The following AOPEP variants were observed in gnomAD, a reference collection of about 807,000 sequenced individuals.
AOPEP encodes the protein aminopeptidase O.
AOPEP carries 77 observed loss-of-function variants against 98.1 expected under a neutral mutation model. The observed-to-expected ratio is 0.78, with a 90% CI of 0.65 to 0.95. The LOEUF is 0.95. Among genes scored for constraint, AOPEP ranks in the 40% least tolerant of loss-of-function variants. AOPEP has a pLI of 0.00. For missense variants in AOPEP, 1,024 were observed against 1,024.7 expected, an observed-to-expected ratio of 1.00 and a Z score of 0.01; for synonymous variants, 346 against 365.3, an observed-to-expected ratio of 0.95 and a Z score of 0.60.
intron 5 of AOPEP, among the ~76,000 whole-genome samples, chr9:94,883,807 T>A (rs928079560): frequency 3.3e-5 from 5 of 152,232 alleles, no homozygotes; most frequent in Admixed American, 1.3e-4. Context: ...ATGTTAAACA[T>A]AAGTTGAGGG....
At chr9:95,027,776 C>G (rs188152508) in intron 13 of AOPEP, among the ~76,000 whole-genome samples, 2 of 152,228 alleles carry the variant, frequency 1.3e-5, no homozygotes, top group Non-Finnish European at 2.9e-5. Flanking sequence ...TAGAACATGG[C>G]AGGGGTTACT....
chr9:94,866,526 G>A (rs541703369), intron 5 of AOPEP, among the ~76,000 whole-genome samples: 1 of 152,226 alleles, frequency 6.6e-6, no homozygotes, highest in South Asian at 2.1e-4. Flanking sequence ...AAACTAATAG[G>A]CTTTACATGT....
At chr9:95,089,844 C>T (rs1452111754), downstream of AOPEP, among the ~76,000 whole-genome samples, 4 of 152,192 alleles carry the variant, frequency 2.6e-5, no homozygotes, top group East Asian at 3.8e-4. Context: ...GATATTAGCT[C>T]CCCCCACCCT....
At chr9:95,084,416 C>T (rs940365750) in intron 16 of AOPEP, among the ~76,000 whole-genome samples, 4 of 152,226 alleles carry the variant, frequency 2.6e-5, no homozygotes, top group Non-Finnish European at 4.4e-5. Flanking sequence ...CGTAGCGAAA[C>T]GCCTGCTGCA....
At chr9:94,932,781 G>T (rs886338675) in intron 7 of AOPEP, 14 of 985,200 alleles carry the variant, frequency 1.4e-5, no homozygotes, top group Middle Eastern at 1.0e-3. Flanking sequence ...ACTGCGCCCA[G>T]CCCAGATGTT....
intron 2 of AOPEP, among the ~76,000 whole-genome samples, chr9:94,762,681 G>A (rs1838628105): frequency 2.0e-5 from 3 of 152,144 alleles, no homozygotes; most frequent in African/African-American, 7.2e-5. Context: ...TTCTAGAAAG[G>A]TGTTTTCTCT....
intron 1 of AOPEP, among the ~76,000 whole-genome samples, chr9:94,744,674 C>T (rs1441923525): frequency 3.0e-5 from 4 of 133,908 alleles, no homozygotes; most frequent in Non-Finnish European, 6.1e-5. Context: ...GCACTCCAGC[C>T]TGGGCAACAA....
chr9:95,111,931 C>T, the AOPEP span, among the ~76,000 whole-genome samples: 10 of 152,164 alleles, frequency 6.6e-5, no homozygotes, highest in African/African-American at 9.7e-5. Flanking sequence ...AGGAAGACTG[C>T]GGCCATGACC....
At chr9:94,801,832 C>G (rs1024354992) in intron 5 of AOPEP, among the ~76,000 whole-genome samples, 1 of 152,126 alleles carries the variant, frequency 6.6e-6, no homozygotes, top group Non-Finnish European at 1.5e-5. Context: ...AAGTTTTTCC[C>G]TATTAGTCAA....
the AOPEP span, chr9:95,126,767 C>T: frequency 2.4e-5 from 15 of 625,390 alleles, no homozygotes; most frequent in South Asian, 2.3e-4. Flanking sequence ...ACGGTGGTCT[C>T]CCTGGGCAGG....
chr9:95,013,979 T>A (rs1471434734), intron 13 of AOPEP, among the ~76,000 whole-genome samples: 1 of 152,222 alleles, frequency 6.6e-6, no homozygotes, highest in Non-Finnish European at 1.5e-5. Flanking sequence ...TGAGCTTTAT[T>A]TTCCTTGTCT....
chr9:95,060,502 A>G (rs929972040), intron 13 of AOPEP, among the ~76,000 whole-genome samples, 192 bp from the exon 14 acceptor site: 1 of 152,250 alleles, frequency 6.6e-6, no homozygotes, highest in Non-Finnish European at 1.5e-5. Flanking sequence ...CCCAGAATGT[A>G]GTGTCTTTGG....
chr9:95,135,546 C>T, the AOPEP span: 1 of 1,577,084 alleles, frequency 6.3e-7, no homozygotes, highest in African/African-American at 1.4e-5. Flanking sequence ...AAATGGCTCA[C>T]TGAAAAAAGA....
At chr9:95,014,547 G>T (rs2062826769) in intron 13 of AOPEP, among the ~76,000 whole-genome samples, 1 of 152,070 alleles carries the variant, frequency 6.6e-6, no homozygotes, top group African/African-American at 2.4e-5. Context: ...TGTTCTGTCT[G>T]TGAAAAGTAA....
the AOPEP span, among the ~76,000 whole-genome samples, chr9:95,129,374 C>T: frequency 6.6e-6 from 1 of 152,154 alleles, no homozygotes; most frequent in Non-Finnish European, 1.5e-5. Context: ...AGATAATCTT[C>T]CAAATAGAAT....
At chr9:94,933,544 G>C in intron 7 of AOPEP, 3 of 985,322 alleles carry the variant, frequency 3.0e-6, no homozygotes, top group Non-Finnish European at 3.6e-6. Flanking sequence ...CTAGATAAAT[G>C]CGAGCATCTT....
intron 5 of AOPEP, among the ~76,000 whole-genome samples, chr9:94,838,912 T>TC (rs2041943187): frequency 2.2e-5 from 3 of 138,112 alleles, no homozygotes; most frequent in Non-Finnish European, 4.7e-5. Context: ...TGCTATTCTT[T>TC]TTTTTTTTTT....
intron 5 of AOPEP, among the ~76,000 whole-genome samples, chr9:94,804,256 A>G (rs778431523): frequency 3.9e-5 from 6 of 152,196 alleles, no homozygotes; most frequent in Non-Finnish European, 8.8e-5. Context: ...TTACCTTTGT[A>G]TGTGTGTATA....
intron 7 of AOPEP, among the ~76,000 whole-genome samples, chr9:94,943,916 T>C (rs796691371): frequency 3.4e-4 from 26 of 77,532 alleles, no homozygotes; most frequent in African/African-American, 1.3e-3. Context: ...TGAGACTCCA[T>C]CTCAAAAAAA....
Sources: gnomAD v4.1 joint callset for allele counts (sites outside exome capture counted in the v4.1 genomes callset) on GRCh38, gnomAD v4.1.1 for gene constraint, MANE v1.5 for transcripts, NCBI Gene and HGNC (gene_info 2026-07-23, HGNC 2026-07-21) for gene names.